The following IL1RL2 variants were observed in gnomAD, a reference collection of about 807,000 sequenced individuals.
IL1RL2 encodes interleukin-1 receptor-like 2.
In IL1RL2, 68 loss-of-function variants were observed where a neutral mutation model predicts 66.8. The ratio of observed to expected loss-of-function variants is 1.02; its 90% CI spans 0.84 to 1.25. The LOEUF (loss-of-function observed/expected upper bound fraction) is 1.25, where lower values mean the gene tolerates loss of function less well. Among genes scored for constraint, IL1RL2 ranks in the 50% most tolerant of loss-of-function variants. The pLI, the probability that IL1RL2 is intolerant of heterozygous loss-of-function variation, is 0.00. For missense variants in IL1RL2, 729 were observed against 709.3 expected (o/e 1.03, Z -0.32); for synonymous variants, 305 against 264.6 (o/e 1.15, Z -1.48).
At chr2:102,193,968 T>C (rs11903354) in intron 4 of IL1RL2, among the ~76,000 whole-genome samples, 15,601 of 152,116 alleles carry the variant, frequency 0.1, 923 homozygotes, top group African/African-American at 0.16. Flanking sequence ...CCCCTTTTCA[T>C]TGAAGTATAA....
At chr2:102,237,519 A>G (rs958377886) in intron 11 of IL1RL2, among the ~76,000 whole-genome samples, 1 of 152,118 alleles carries the variant, frequency 6.6e-6, no homozygotes, top group African/African-American at 2.4e-5. Context: ...GAGGGGACAG[A>G]GTGCGGAACA....
At chr2:102,202,864 C>T (rs1420834913) in intron 5 of IL1RL2, among the ~76,000 whole-genome samples, 4 of 152,006 alleles carry the variant, frequency 2.6e-5, no homozygotes, top group East Asian at 1.9e-4. Context: ...ATTTGGATGC[C>T]GTTTATATCT....
At chr2:102,221,250 A>G (rs1366781371) in intron 8 of IL1RL2, among the ~76,000 whole-genome samples, 2 of 151,962 alleles carry the variant, frequency 1.3e-5, no homozygotes. Context: ...TGGTACCTCT[A>G]AGAGGTTCAT....
intron 1 of IL1RL2, 55 bp downstream of exon 1, chr2:102,187,141 T>C (rs1686748425): frequency 4.7e-6 from 6 of 1,276,734 alleles, no homozygotes; most frequent in Non-Finnish European, 6.1e-6. Flanking sequence ...GCCCTGACAG[T>C]AGGAGAGGTG....
chr2:102,219,479 A>G (rs1431266573), intron 7 of IL1RL2, among the ~76,000 whole-genome samples: 1 of 152,234 alleles, frequency 6.6e-6, no homozygotes. Context: ...AAGACAGTGC[A>G]TAATCATTAG....
chr2:102,208,772 G>T (rs973875660), intron 5 of IL1RL2, among the ~76,000 whole-genome samples: 1 of 152,214 alleles, frequency 6.6e-6, no homozygotes, highest in African/African-American at 2.4e-5. Flanking sequence ...GTCCTCCTAT[G>T]TTCTTTGCAG....
chr2:102,191,906 G>A lies in IL1RL2; in HGVS notation c.294-19G>A, dbSNP rs752505553. The A allele has an allele frequency of 4.0e-6, 6 of 1,508,782 alleles. No individual in the cohort carries two copies. The highest frequency in any genetic ancestry group is 5.4e-6 in the Non-Finnish European group (6 of 1,106,646). The allele number at this position is 1,508,782 out of a possible 1,614,324, so 93.5% of individuals were successfully genotyped here. On this transcript the variant is annotated intron_variant, in intron 3 of 11. Coordinates refer to ENST00000264257, the MANE Select transcript of IL1RL2 (RefSeq NM_003854.4). ...TGATTTGTTTTAAAGAGTTTATGAG[G>A]TCTCAATCTGTCTTACAGGGGTAGA...
At chr2:102,218,328 T>G (rs1689790964) in intron 6 of IL1RL2, among the ~76,000 whole-genome samples, 1 of 152,186 alleles carries the variant, frequency 6.6e-6, no homozygotes, top group South Asian at 2.1e-4. Flanking sequence ...ACTCCTTGAA[T>G]GTTAGAATTT....
chr2:102,187,225 G>T, intron 1 of IL1RL2, 139 bp downstream of exon 1: 5 of 1,203,692 alleles, frequency 4.2e-6, no homozygotes, highest in Non-Finnish European at 5.3e-6. Context: ...GCCCCCGACC[G>T]GCTAGGTGAC....
chr2:102,222,486 T>C (rs1578171842), intron 8 of IL1RL2, among the ~76,000 whole-genome samples: 1 of 152,194 alleles, frequency 6.6e-6, no homozygotes, highest in African/African-American at 2.4e-5. Context: ...TATTTACTGA[T>C]AGGCGATGAA....
Position 102,233,368 on chromosome 2 carries a change from C to T in IL1RL2, c.1297+244C>T, listed in dbSNP as rs966424146. 5.3e-5 allele frequency among the ~76,000 whole-genome samples: 8 copies of T among 152,136 alleles called. 1 individual carries two copies. In the South Asian group the frequency reaches 6.2e-4, roughly 12 times the overall value. The stretch of plus-strand genomic sequence containing the variant: ...TGAGATTCCTGCTTGCAGCAGCACG[C>T]GTCTCACTTTGAGTGAGGATATGGT... On this transcript the variant is annotated intron_variant, in intron 10 of 11. Coordinates refer to ENST00000264257, the MANE Select transcript of IL1RL2 (RefSeq NM_003854.4).
In IL1RL2 at chr2:102,187,939, GTCC is replaced by G. The variant is rs1686837701; in HGVS notation, c.58+18_58+20del. ...CTGTCACAGCAGGTACGTTCCGTGT[GTCC>G]TCCGTTCCCAGAGGCTGCCCGAGTC... is the stretch of plus-strand genomic sequence containing the variant. On this transcript the variant is annotated intron_variant, in intron 2 of 11. Coordinates refer to ENST00000264257, the MANE Select transcript of IL1RL2 (RefSeq NM_003854.4). 6.2e-7 allele frequency: 1 copy of G among 1,613,240 alleles called. No individual in the cohort carries two copies. Among genetic ancestry groups the G allele is most frequent in the Non-Finnish European group, 8.5e-7 (1 of 1,179,268 alleles).
In IL1RL2 at chr2:102,229,722, G is replaced by C. The variant is rs34079819; in HGVS notation, c.1136-3241G>C. ...CACTACGTTTTGAGAACATCAGCAA[G>C]TTCTATTTCTACTCAAAAGCTTAGT... On this transcript the variant is annotated intron_variant, in intron 9 of 11. Transcript: ENST00000264257. Among the ~76,000 whole-genome samples the C allele has an allele frequency of 7.0e-3, 1,061 of 152,298 alleles. 11 individuals are homozygous for C. The highest frequency in any genetic ancestry group is 0.016 in the Admixed American group (248 of 15,296).
chr2:102,239,374 G>C lies in IL1RL2; in HGVS notation c.*133G>C, dbSNP rs1675136061. 1 of 794,612 alleles carries C rather than the reference G, an allele frequency of 1.3e-6. No individual in the cohort carries two copies. Among genetic ancestry groups the C allele is most frequent in the Middle Eastern group, 2.3e-4 (1 of 4,314 alleles). 49.2% of individuals were successfully genotyped at this position (794,612 alleles called of 1,614,324 possible). A position where few individuals can be genotyped will look rare whatever the true frequency, so the allele number is the denominator to read the frequency against. On this transcript the variant is annotated 3_prime_UTR_variant, in exon 12 of 12. Coordinates refer to ENST00000264257, the MANE Select transcript of IL1RL2 (RefSeq NM_003854.4). ...AGACACCCAGTTGAGCTCAGGCGTA[G>C]AGAAGAGGAGGATGGGATAAGAACT...
chr2:102,226,086 T>C lies in IL1RL2; in HGVS notation c.1135+45T>C, dbSNP rs139669825. 4.8e-5 allele frequency: 70 copies of C among 1,457,462 alleles called. 1 individual carries two copies. In the African/African-American group the frequency reaches 8.4e-4, roughly 18 times the overall value. 90.3% of individuals were successfully genotyped at this position (1,457,462 alleles called of 1,614,324 possible). A position where few individuals can be genotyped will look rare whatever the true frequency, so the allele number is the denominator to read the frequency against. On this transcript the variant is annotated intron_variant, in intron 9 of 11. Transcript: ENST00000264257. ...GAAAAATGCCTCAAAATTGGTATCC[T>C]CTTATACATATACAACGATTTCAAA...
chr2:102,194,306 A>G (rs902300903), intron 4 of IL1RL2, among the ~76,000 whole-genome samples: 5 of 152,136 alleles, frequency 3.3e-5, no homozygotes, highest in African/African-American at 1.2e-4. Context: ...ATGTGGCTAT[A>G]TTTCATCCAT....
intron 10 of IL1RL2, 104 bp from the exon 11 acceptor site, chr2:102,234,793 A>C: frequency 8.6e-7 from 1 of 1,161,246 alleles, no homozygotes; most frequent in Non-Finnish European, 1.2e-6. Flanking sequence ...CTTCAAAAAA[A>C]AAAAGTCAAT....
intron 5 of IL1RL2, among the ~76,000 whole-genome samples, chr2:102,209,659 G>C (rs978751862): frequency 1.3e-5 from 2 of 152,196 alleles, no homozygotes; most frequent in African/African-American, 4.8e-5. Flanking sequence ...TTACCATGCA[G>C]CCACTGAAGG....
chr2:102,219,807 TC>T, intron 7 of IL1RL2, 73 bp from the exon 8 acceptor site: 2 of 1,415,946 alleles, frequency 1.4e-6, no homozygotes, highest in South Asian at 2.6e-5. Flanking sequence ...ACACTTTATC[TC>T]CAGAAAACAG....
Sources: allele counts gnomAD v4.1 joint callset (sites outside exome capture counted in the v4.1 genomes callset), GRCh38; gene constraint gnomAD v4.1.1; transcripts MANE v1.5; gene names NCBI Gene and HGNC (gene_info 2026-07-23, HGNC 2026-07-21).